Variants in CBX2 observed in about 807,000 individuals in gnomAD.
The protein encoded by CBX2 is chromobox 2.
Under a neutral mutation model 21.0 loss-of-function variants are expected in CBX2, and 11 were observed. The ratio of observed to expected loss-of-function variants is 0.52; its 90% confidence interval spans 0.33 to 0.87. The LOEUF (loss-of-function observed/expected upper bound fraction) is 0.87. Ranked by LOEUF, CBX2 falls within the 40% of genes least tolerant of loss-of-function variation. The probability of loss-of-function intolerance (pLI) is 0.02; values close to 1 mark genes in which losing one functional copy is unlikely to be tolerated. For synonymous variants in CBX2, 364 were observed against 304.6 expected (o/e 1.19, Z -2.03); for missense variants, 746 against 724.3 (o/e 1.03, Z -0.34).
rs781856739 is a variant in CBX2, at chr17:79,784,856, C to T, written c.1413C>T (p.Pro471=). 1.2e-5 allele frequency: 20 copies of T among 1,613,042 alleles called. No homozygotes were observed. Among genetic ancestry groups the T allele is most frequent in the Middle Eastern group, 1.7e-4 (1 of 6,060 alleles). ...GEESSSSDSD[P]DSASPPSTGQ... ...AGAGTAGCAGCTCGGACTCCGACCC[C>T]GACTCCGCCTCGCCGCCCAGCACTG... Residue 471 remains proline, a synonymous_variant, in exon 5 of 5, where the codon CCC becomes CCT. Transcript: ENST00000310942. The surrounding 1 kb of genome is among the most constrained non-coding windows in gnomAD (Gnocchi z 5.9).
rs1448955397 is a variant in CBX2, at chr17:79,778,692, A to G, written c.116+265A>G. Among the ~76,000 whole-genome samples the G allele has an allele frequency of 1.4e-5, 2 of 148,044 alleles. No homozygotes were observed. Among genetic ancestry groups the G allele is most frequent in the Non-Finnish European group, 3.0e-5 (2 of 67,020 alleles). ...CGGCTGCCGCGCCGCGCTCCCCCCA[A>G]CCCCCGTCCCGGCCGGGAGGGAGGC... On this transcript the variant is annotated intron_variant, in intron 2 of 4. Transcript: ENST00000310942. This position sits in a 1 kb window ranked among gnomAD's most constrained non-coding sequence, Gnocchi z 4.8.
At chr17:79,782,541 C>A (rs751785119) in intron 4 of CBX2, 4 of 1,074,888 alleles carry the variant, frequency 3.7e-6, no homozygotes, top group African/African-American at 1.7e-5. Context: ...TGGACCTTCG[C>A]GTGTTGTGGC....
chr17:79,778,225 T>A lies in CBX2; in HGVS notation c.-11T>A. 1 of 1,396,946 alleles carries A rather than the reference T, an allele frequency of 7.2e-7. No homozygotes were observed. Among genetic ancestry groups the A allele is most frequent in the Non-Finnish European group, 9.3e-7 (1 of 1,070,420 alleles). 86.5% of individuals were successfully genotyped at this position (1,396,946 alleles called of 1,614,324 possible). On this transcript the variant is annotated 5_prime_UTR_variant, in exon 1 of 5. Coordinates refer to ENST00000310942, the MANE Select transcript of CBX2 (RefSeq NM_005189.3). This position sits in a 1 kb window ranked among gnomAD's most constrained non-coding sequence, Gnocchi z 4.8. ...CGGCGGGCGCCGCGGTCGGGCTGGCTGCCGGGCAGCATGGAGGAGCTGAGC... is the reference window on the plus strand; with the variant it reads ...CGGCGGGCGCCGCGGTCGGGCTGGCAGCCGGGCAGCATGGAGGAGCTGAGC...
At position 79,780,449 on chromosome 17, in the gene CBX2, G is replaced by A. The variant is rs116879953; in HGVS notation, c.182+1022G>A. Among the ~76,000 whole-genome samples the A allele has an allele frequency of 1.4e-3, 206 of 152,310 alleles. 1 individual carries two copies. Among genetic ancestry groups the A allele is most frequent in the Middle Eastern group, 3.4e-3 (1 of 294 alleles). On this transcript the variant is annotated intron_variant, in intron 3 of 4. Transcript: ENST00000310942. ...TGGAAAATCGTAACAGCAACCCATC[G>A]TCTTCTGTTAGTTCCTGTCTGGGTG...
chr17:79,784,301 C>G lies in CBX2; in HGVS notation c.858C>G (p.Leu286=), dbSNP rs782409864. 20 of 1,613,144 alleles carry G rather than the reference C, an allele frequency of 1.2e-5. No homozygotes were observed. The highest frequency in any genetic ancestry group is 5.5e-5 in the South Asian group (5 of 91,086). ...CCCAGGCCACCAACAAGTGCGGCCT[C>G]GGGCTGGACCTGAAGGTGAGGACGC... ...LKAQATNKCG[L]GLDLKVRTQK... Residue 286 remains leucine (L), a synonymous_variant, in exon 5 of 5, where the codon CTC becomes CTG. Coordinates refer to ENST00000310942, the MANE Select transcript of CBX2 (RefSeq NM_005189.3). This position sits in a 1 kb window ranked among gnomAD's most constrained non-coding sequence, Gnocchi z 5.9.
chr17:79,783,931 AGC>A lies in CBX2; in HGVS notation c.490_491del (p.Arg164GlyfsTer80). 6.2e-7 allele frequency: 1 copy of A among 1,614,012 alleles called. No individual in the cohort carries two copies. The highest frequency in any genetic ancestry group is 8.5e-7 in the Non-Finnish European group (1 of 1,180,040). ...GAGCTGAAGGATCCCATCCGGAAGA[AGC>A]GGGGACGAAAGCCCCTGCCCCCAGA... is the stretch of plus-strand genomic sequence containing the variant. On this transcript the variant is annotated frameshift_variant, in exon 5 of 5. Transcript: ENST00000310942. LOFTEE classifies it low-confidence loss of function (END_TRUNC).
intron 4 of CBX2, chr17:79,782,340 C>G: frequency 4.7e-6 from 7 of 1,474,008 alleles, no homozygotes; most frequent in Non-Finnish European, 5.4e-6. Flanking sequence ...CTTTGGCCTT[C>G]TCGGGACTGT....
chr17:79,783,936 G>A lies in CBX2; in HGVS notation c.493G>A (p.Gly165Arg). ...ELKDPIRKKR[G>R]RKPLPPEQKA... Reference sequence around the variant, plus strand: ...GAAGGATCCCATCCGGAAGAAGCGGGGACGAAAGCCCCTGCCCCCAGAGCA... The same window carrying A: ...GAAGGATCCCATCCGGAAGAAGCGGAGACGAAAGCCCCTGCCCCCAGAGCA... The change falls in exon 5 of 5, where the codon GGA becomes AGA. Residue 165 changes from glycine to arginine, a missense_variant. Transcript: ENST00000310942. 1 of 1,613,986 alleles carries A rather than the reference G, an allele frequency of 6.2e-7. No individual in the cohort carries two copies. Among genetic ancestry groups the A allele is most frequent in the South Asian group, 1.1e-5 (1 of 91,090 alleles).
chr17:79,779,834 C>T, intron 3 of CBX2: 1 of 292,946 alleles, frequency 3.4e-6, no homozygotes, highest in Non-Finnish European at 6.8e-6. Flanking sequence ...CCTTCCAGCC[C>T]TGCACGCGTG....
intron 4 of CBX2, chr17:79,782,337 C>G: frequency 6.8e-7 from 1 of 1,474,292 alleles, no homozygotes; most frequent in Non-Finnish European, 9.0e-7. Context: ...GTGCTTTGGC[C>G]TTCTCGGGAC....
rs782517728 is a variant in CBX2, at chr17:79,784,351, C to T, written c.908C>T (p.Pro303Leu). 4 of 1,613,192 alleles carry T rather than the reference C, an allele frequency of 2.5e-6. No homozygotes were observed. Among genetic ancestry groups the T allele is most frequent in the South Asian group, 1.1e-5 (1 of 91,084 alleles). Residue 303 changes from proline (P) to leucine (L), a missense_variant, in exon 5 of 5, where the codon CCT (proline) becomes CTT (leucine). Physicochemically the swap from Pro to Leu is moderately conservative, Grantham distance 98 (BLOSUM62 -3). Transcript: ENST00000310942. The surrounding 1 kb of genome is among the most constrained non-coding windows in gnomAD (Gnocchi z 5.9). Reference sequence around the variant, plus strand: ...CAGAAAGGGGAGCTGGGAATGAGCCCTCCAGGAAGCAAAATCCCGAAGGCC... The same window carrying T: ...CAGAAAGGGGAGCTGGGAATGAGCCTTCCAGGAAGCAAAATCCCGAAGGCC... Reference protein sequence around the residue: ...RTQKGELGMSPPGSKIPKAPS... With the variant: ...RTQKGELGMSLPGSKIPKAPS...
upstream of CBX2, among the ~76,000 whole-genome samples, chr17:79,777,338 C>T (rs1555829117): frequency 1.3e-5 from 2 of 152,208 alleles, no homozygotes; most frequent in Non-Finnish European, 2.9e-5. Context: ...TTGCAAACCG[C>T]CCCCTCCCCC....
intron 4 of CBX2, chr17:79,782,490 T>C: frequency 8.4e-7 from 1 of 1,190,932 alleles, no homozygotes; most frequent in Non-Finnish European, 1.1e-6. Flanking sequence ...CTGGCCTCAG[T>C]CCCGGGTGTG....
chr17:79,781,811 T>C lies in CBX2; in HGVS notation c.288+10T>C, dbSNP rs1555830347. ...GCGCTCCAAGCTCAAGGTGGGTGGC[T>C]GCGCTGGGTATGCTGACCCCACCTC... On this transcript the variant is annotated intron_variant, in intron 4 of 4. Coordinates refer to ENST00000310942, the MANE Select transcript of CBX2 (RefSeq NM_005189.3). 1 of 1,614,014 alleles carries C rather than the reference T, an allele frequency of 6.2e-7. No individual in the cohort carries two copies. Among genetic ancestry groups the C allele is most frequent in the South Asian group, 1.1e-5 (1 of 91,082 alleles).
At position 79,784,378 on chromosome 17, in the gene CBX2, C is replaced by G; in HGVS notation, c.935C>G (p.Pro312Arg). ...CCAGGAAGCAAAATCCCGAAGGCCCCCAGCGGTGGGGCTGTGGAGCAGAAA... is the reference window on the plus strand; with the variant it reads ...CCAGGAAGCAAAATCCCGAAGGCCCGCAGCGGTGGGGCTGTGGAGCAGAAA... ...SPPGSKIPKA[P>R]SGGAVEQKVG... The change falls in exon 5 of 5, where the codon CCC (proline) becomes CGC (arginine). Residue 312 changes from proline (P) to arginine (R), a missense_variant. Pro to Arg is a moderately radical substitution (Grantham distance 103). Around this residue, in one of 2 missense-constraint regions of CBX2, gnomAD observed 701 missense variants for 650.7 expected, o/e 1.08. Transcript: ENST00000310942. The surrounding 1 kb of genome is among the most constrained non-coding windows in gnomAD (Gnocchi z 5.9). 1.2e-6 allele frequency: 2 copies of G among 1,612,736 alleles called. No homozygotes were observed. The highest frequency in any genetic ancestry group is 1.7e-6 in the Non-Finnish European group (2 of 1,179,740).
rs1555831274 is a variant in CBX2 at position 79,784,555 on chromosome 17, T to C, written c.1112T>C (p.Leu371Pro). ...VKNGMPGVGL[L>P]ARHATATKGV... ...AATGGCATGCCCGGGGTGGGTCTCCTTGCCCGCCACGCCACCGCCACCAAG... is the reference window on the plus strand; with the variant it reads ...AATGGCATGCCCGGGGTGGGTCTCCCTGCCCGCCACGCCACCGCCACCAAG... The change falls in exon 5 of 5, where the codon CTT becomes CCT. Residue 371 changes from leucine to proline, a missense_variant. Leu to Pro is a moderately conservative substitution (Grantham distance 98). Coordinates refer to ENST00000310942, the MANE Select transcript of CBX2 (RefSeq NM_005189.3). The surrounding 1 kb of genome is among the most constrained non-coding windows in gnomAD (Gnocchi z 5.9). The C allele has an allele frequency of 6.2e-7, 1 of 1,612,474 alleles. No homozygotes were observed. The highest frequency in any genetic ancestry group is 1.3e-5 in the African/African-American group (1 of 74,912).
intron 4 of CBX2, chr17:79,782,221 G>A (rs1388726401): frequency 3.0e-5 from 48 of 1,601,310 alleles, no homozygotes; most frequent in Admixed American, 5.2e-5. Flanking sequence ...GCCCACCTGC[G>A]GGTGCACCTT....
At position 79,784,944 on chromosome 17, in the gene CBX2, G is replaced by A. The variant is rs147956644; in HGVS notation, c.1501G>A (p.Glu501Lys). The A allele has an allele frequency of 2.5e-6, 4 of 1,612,320 alleles. No individual in the cohort carries two copies. The highest frequency in any genetic ancestry group is 3.4e-6 in the Non-Finnish European group (4 of 1,180,028). Residue 501 changes from glutamate to lysine, a missense_variant, in exon 5 of 5, where the codon GAG becomes AAG. Coordinates refer to ENST00000310942, the MANE Select transcript of CBX2 (RefSeq NM_005189.3). This position sits in a 1 kb window ranked among gnomAD's most constrained non-coding sequence, Gnocchi z 5.9. ...CTGGAAGCCCACCCGCAGCCTCATC[G>A]AGCACGTATTTGTCACCGACGTCAC... ...QDWKPTRSLI[E>K]HVFVTDVTAN...
intron 3 of CBX2, chr17:79,779,643 G>A (rs3751953): frequency 0.26 from 152,602 of 591,428 alleles, 20,851 homozygotes; most frequent in South Asian, 0.33. Context: ...ATCCATCCCT[G>A]AGAAGAACCT....
Sources: gnomAD v4.1 joint callset for allele counts (sites outside exome capture counted in the v4.1 genomes callset) on GRCh38, gnomAD v4.1.1 for gene constraint, gnomAD v4.1.1 regional missense constraint, Gnocchi (gnomAD v3.1) non-coding constraint, MANE v1.5 for transcripts, NCBI Gene and HGNC (gene_info 2026-07-23, HGNC 2026-07-21) for gene names.